BGN: variants seen among roughly 807,000 people sequenced by gnomAD.
The protein encoded by BGN is biglycan.
Under a neutral mutation model 20.0 loss-of-function variants are expected in BGN, and 6 were observed. The observed-to-expected ratio is 0.30, with a 90% CI of 0.16 to 0.59. The LOEUF (loss-of-function observed/expected upper bound fraction) is 0.59, where lower values mean the gene tolerates loss of function less well. Among genes scored for constraint, BGN ranks in the 20% least tolerant of loss-of-function variants. The pLI, the probability that BGN is intolerant of heterozygous loss-of-function variation, is 0.88. For synonymous variants in BGN, 146 were observed against 134.6 expected, an observed-to-expected ratio of 1.08 and a Z score of -0.59; for missense variants, 292 against 312.1, an observed-to-expected ratio of 0.94 and a Z score of 0.49.
In BGN at chrX:153,509,059, T is replaced by TCTCTCTC. The variant is rs1569532510; in HGVS notation, c.*614_*615insCTCTCTC. 1 of 57,728 alleles carries TCTCTCTC rather than the reference T, an allele frequency of 1.7e-5. No homozygotes were observed. Among genetic ancestry groups the TCTCTCTC allele is most frequent in the East Asian group, 7.8e-4 (1 of 1,290 alleles). The allele number at this position is 57,728 out of a possible 1,213,427, so 4.8% of individuals were successfully genotyped here. A position where few individuals can be genotyped will look rare whatever the true frequency, so the allele number is the denominator to read the frequency against. On this transcript the variant is annotated 3_prime_UTR_variant, in exon 8 of 8. Transcript: ENST00000331595. The stretch of plus-strand genomic sequence containing the variant: ...TCTCTCTCTCTCTCTCTCTCTCTCT[T>TCTCTCTC]TCTGTGTGTGTGTGTGTGTGTGTGT...
rs190181124 is a variant in BGN, at chrX:153,503,384, T to A, written c.-11-1237T>A. On this transcript the variant is annotated intron_variant, in intron 1 of 7. Coordinates refer to ENST00000331595, the MANE Select transcript of BGN (RefSeq NM_001711.6). ...CTCCTGGGCGTGCGACTGCTTCAGG[T>A]CTGCCAGAGGCCCCTGCTGCCCAGC... Among the ~76,000 whole-genome samples, 571 of 112,257 alleles carry A rather than the reference T, an allele frequency of 5.1e-3. 1 individual carries two copies. Among genetic ancestry groups the A allele is most frequent in the Non-Finnish European group, 9.1e-3 (485 of 53,014 alleles).
intron 1 of BGN, among the ~76,000 whole-genome samples, chrX:153,500,211 G>A (rs1484008024): frequency 8.8e-6 from 1 of 113,181 alleles, no homozygotes; most frequent in Non-Finnish European, 1.9e-5. Flanking sequence ...AGCTTTCAGA[G>A]GGGCAGACAA....
At position 153,507,197 on chromosome X, in the gene BGN, G is replaced by A. The variant is rs2089808086; in HGVS notation, c.909+12G>A. The A allele has an allele frequency of 3.4e-6, 4 of 1,186,349 alleles. No homozygotes were observed. Among genetic ancestry groups the A allele is most frequent in the South Asian group, 3.7e-5 (2 of 53,337 alleles). Reference sequence around the variant, plus strand: ...TCAAGCTCCTCCAGGTGAGAGCTGGGCATGCACAGCCAGGTTCCCTAAGGC... The same window carrying A: ...TCAAGCTCCTCCAGGTGAGAGCTGGACATGCACAGCCAGGTTCCCTAAGGC... On this transcript the variant is annotated intron_variant, in intron 7 of 7. Coordinates refer to ENST00000331595, the MANE Select transcript of BGN (RefSeq NM_001711.6).
At chrX:153,505,139 T>C in intron 2 of BGN, 99 bp from the exon 3 acceptor site, 1 of 674,066 alleles carries the variant, frequency 1.5e-6, no homozygotes, top group Non-Finnish European at 2.3e-6. Flanking sequence ...TTCATGCTGG[T>C]GATGGTGGTG....
Position 153,506,894 on chromosome X carries a change from G to A in BGN, c.741G>A (p.Glu247=), listed in dbSNP as rs1556993316. ...DHNKIQAIEL[E]DLLRYSKLYR... ...ACAAAATCCAGGCCATCGAACTGGA[G>A]GACCTGCTTCGCTACTCCAAGCTGT... is the stretch of plus-strand genomic sequence containing the variant. Residue 247 remains glutamate (E), a synonymous_variant, in exon 6 of 8, where the codon GAG becomes GAA. Coordinates refer to ENST00000331595, the MANE Select transcript of BGN (RefSeq NM_001711.6). 8.3e-7 allele frequency: 1 copy of A among 1,211,790 alleles called. No individual in the cohort carries two copies. The highest frequency in any genetic ancestry group is 1.8e-5 in the South Asian group (1 of 56,978).
At chrX:153,500,318 C>T (rs2089747955) in intron 1 of BGN, among the ~76,000 whole-genome samples, 1 of 112,571 alleles carries the variant, frequency 8.9e-6, no homozygotes, top group Admixed American at 9.4e-5. Context: ...TATGCCATTG[C>T]CGCCCCTGTC....
chrX:153,506,069 C>T lies in BGN; in HGVS notation c.558C>T (p.Asn186=). The T allele has an allele frequency of 8.3e-7, 1 of 1,210,547 alleles. No homozygotes were observed. Among genetic ancestry groups the T allele is most frequent in the South Asian group, 1.8e-5 (1 of 56,957 alleles). ...TGTTCAGCGGGCTCCGGAACATGAACTGCATCGGTGAGCTGAGGGCCTCCC... is the reference window on the plus strand; with the variant it reads ...TGTTCAGCGGGCTCCGGAACATGAATTGCATCGGTGAGCTGAGGGCCTCCC... ...KGVFSGLRNM[N]CIEMGGNPLE... is the part of the protein sequence containing the mutation. Residue 186 remains asparagine (N), a synonymous_variant, in exon 4 of 8, where the codon AAC becomes AAT. Coordinates refer to ENST00000331595, the MANE Select transcript of BGN (RefSeq NM_001711.6).
chrX:153,508,184 T>TGGAGGCAGCGGGCTTGGCGTGGAGGGAG, intron 7 of BGN, 64 bp from the exon 8 acceptor site: 1 of 1,141,894 alleles, frequency 8.8e-7, no homozygotes, highest in Non-Finnish European at 1.2e-6. Context: ...AAATGCCTCC[T>TGGAGGCAGCGGGCTTGGCGTGGAGGGAG]GGAGGCAGCG....
In BGN at chrX:153,509,130, C is replaced by T. The variant is rs1306634535; in HGVS notation, c.*685C>T. On this transcript the variant is annotated 3_prime_UTR_variant, in exon 8 of 8. Transcript: ENST00000331595. ...GTCTTGTGCTTCCTCAGACCTTTCT[C>T]GCTTCTGAGCTTGGTGGCCTGTTCC... 1.9e-5 allele frequency: 2 copies of T among 106,786 alleles called. No homozygotes were observed. The highest frequency in any genetic ancestry group is 3.1e-4 in the East Asian group (1 of 3,196). The allele number at this position is 106,786 out of a possible 1,213,427, so 8.8% of individuals were successfully genotyped here. A position where few individuals can be genotyped will look rare whatever the true frequency, so the allele number is the denominator to read the frequency against.
rs782407150 is a variant in BGN at position 153,509,261 on chromosome X, C to G, written c.*816C>G. 2 of 111,899 alleles carry G rather than the reference C, an allele frequency of 1.8e-5. No homozygotes were observed. The highest frequency in any genetic ancestry group is 6.5e-5 in the African/African-American group (2 of 30,543). 9.2% of individuals were successfully genotyped at this position (111,899 alleles called of 1,213,427 possible). ...CTGTCTGTCCGGCCTGCACCCAGCC[C>G]CTGCCCACAAAACCCCAGGGACAGC... is the stretch of plus-strand genomic sequence containing the variant. On this transcript the variant is annotated 3_prime_UTR_variant, in exon 8 of 8. Transcript: ENST00000331595.
chrX:153,504,954 G>A, intron 2 of BGN, 85 bp downstream of exon 2: 1 of 950,780 alleles, frequency 1.1e-6, no homozygotes, highest in Non-Finnish European at 1.5e-6. Flanking sequence ...ACACATGCTG[G>A]TCCTGTGGGA....
chrX:153,497,357 C>T (rs2089725775), intron 1 of BGN, among the ~76,000 whole-genome samples: 1 of 109,885 alleles, frequency 9.1e-6, no homozygotes, highest in Non-Finnish European at 1.9e-5. Flanking sequence ...GGGCTGCAGG[C>T]CGCTGGGTGG....
chrX:153,499,760 G>C (rs965224231), intron 1 of BGN, among the ~76,000 whole-genome samples: 1 of 112,932 alleles, frequency 8.9e-6, no homozygotes, highest in Non-Finnish European at 1.9e-5. Context: ...AGCCATCGGC[G>C]GGGAGGGACT....
chrX:153,500,703 G>A (rs1166317215), intron 1 of BGN, among the ~76,000 whole-genome samples: 1 of 109,546 alleles, frequency 9.1e-6, no homozygotes, highest in Non-Finnish European at 1.9e-5. Flanking sequence ...GTGCAGGTAT[G>A]TATGTATGTA....
chrX:153,500,942 ATG>A (rs1433709852), intron 1 of BGN, among the ~76,000 whole-genome samples: 5 of 109,802 alleles, frequency 4.6e-5, no homozygotes, highest in African/African-American at 1.7e-4. Context: ...GTGTATGTGA[ATG>A]TGTATACATG....
At chrX:153,506,450 C>A in intron 4 of BGN, 79 bp from the exon 5 acceptor site, 1 of 934,220 alleles carries the variant, frequency 1.1e-6, no homozygotes, top group Non-Finnish European at 1.5e-6. Context: ...CAGGGCCCAC[C>A]ACACTGGCCC....
intron 1 of BGN, chrX:153,495,557 G>C (rs2089706505): frequency 8.9e-6 from 1 of 111,868 alleles, no homozygotes; most frequent in Non-Finnish European, 1.9e-5. Context: ...GCGCCTCCTT[G>C]CTCCAGGGCT....
rs1569532514 is a variant in BGN at position 153,509,064 on chromosome X, TGTGTGTGTGTGTGTGTG to T, written c.*620_*636del. ...CTCTCTCTCTCTCTCTCTCTTTCTG[TGTGTGTGTGTGTGTGTG>T]TGTGTGTGTGTGTGTGTGTGTGTGT... On this transcript the variant is annotated 3_prime_UTR_variant, in exon 8 of 8. Coordinates refer to ENST00000331595, the MANE Select transcript of BGN (RefSeq NM_001711.6). 1.1e-4 allele frequency: 3 copies of T among 28,253 alleles called. No homozygotes were observed. Among genetic ancestry groups the T allele is most frequent in the Non-Finnish European group, 2.2e-4 (3 of 13,597 alleles). 2.3% of individuals were successfully genotyped at this position (28,253 alleles called of 1,213,427 possible). A position where few individuals can be genotyped will look rare whatever the true frequency, so the allele number is the denominator to read the frequency against.
intron 1 of BGN, among the ~76,000 whole-genome samples, chrX:153,501,890 A>C (rs1556991968): frequency 9.0e-6 from 1 of 110,794 alleles, no homozygotes; most frequent in Admixed American, 9.4e-5. Flanking sequence ...AGTCTCTTGG[A>C]GACCCCCCAG....
Sources: gnomAD v4.1 joint callset for allele counts (sites outside exome capture counted in the v4.1 genomes callset) on GRCh38, gnomAD v4.1.1 for gene constraint, MANE v1.5 for transcripts, NCBI Gene and HGNC (gene_info 2026-07-23, HGNC 2026-07-21) for gene names.